The following RHOBTB1 variants were observed in gnomAD, a reference collection of about 807,000 sequenced individuals.
The protein encoded by RHOBTB1 is Rho related BTB domain containing 1.
A neutral mutation model predicts 71.6 loss-of-function variants in RHOBTB1; 40 were observed. The ratio of observed to expected loss-of-function variants is 0.56; its 90% confidence interval spans 0.43 to 0.73. The LOEUF (loss-of-function observed/expected upper bound fraction) is 0.73. Among genes scored for constraint, RHOBTB1 ranks in the 30% least tolerant of loss-of-function variants. RHOBTB1 has a pLI of 0.00. For missense variants in RHOBTB1, 797 were observed against 894.0 expected (o/e 0.89, Z 1.38); for synonymous variants, 319 against 334.9 (o/e 0.95, Z 0.52).
chr10:60,921,575 C>A (rs1160432268), intron 2 of RHOBTB1, among the ~76,000 whole-genome samples: 1 of 152,210 alleles, frequency 6.6e-6, no homozygotes, highest in Non-Finnish European at 1.5e-5. Flanking sequence ...TTTTTGGCAA[C>A]AGAAATTGTT....
chr10:60,905,741 C>T (rs570635507), intron 4 of RHOBTB1, among the ~76,000 whole-genome samples: 2 of 152,256 alleles, frequency 1.3e-5, no homozygotes, highest in Admixed American at 6.5e-5. Context: ...GCCATCCTAA[C>T]ATCATCATTA....
intron 7 of RHOBTB1, among the ~76,000 whole-genome samples, chr10:60,878,318 C>T (rs1458155935): frequency 6.6e-6 from 1 of 152,124 alleles, no homozygotes; most frequent in African/African-American, 2.4e-5. Flanking sequence ...CTAAATCAGA[C>T]AAATGGACTG....
intron 4 of RHOBTB1, among the ~76,000 whole-genome samples, chr10:60,897,811 A>G (rs867885141): frequency 6.6e-6 from 1 of 151,634 alleles, no homozygotes; most frequent in Non-Finnish European, 1.5e-5. Flanking sequence ...GGTTCAAGCA[A>G]CTCTCCTGCC....
chr10:60,864,188 C>T, the RHOBTB1 span, among the ~76,000 whole-genome samples: 1 of 152,152 alleles, frequency 6.6e-6, no homozygotes, highest in Non-Finnish European at 1.5e-5. Flanking sequence ...CTTAAGTGAA[C>T]CACTTGCTTG....
chr10:60,885,567 T>C (rs2081531157), intron 7 of RHOBTB1, among the ~76,000 whole-genome samples: 1 of 152,184 alleles, frequency 6.6e-6, no homozygotes, highest in South Asian at 2.1e-4. Flanking sequence ...GACAGTATTG[T>C]AGCACATGGT....
intron 2 of RHOBTB1, among the ~76,000 whole-genome samples, chr10:60,981,885 T>G (rs529221426): frequency 1.5e-4 from 23 of 152,242 alleles, no homozygotes; most frequent in Admixed American, 5.9e-4. Context: ...TTCTCCTGCT[T>G]CAGCCTCCCA....
intron 2 of RHOBTB1, among the ~76,000 whole-genome samples, chr10:60,984,152 G>A (rs377161073): frequency 1.3e-5 from 2 of 152,002 alleles, no homozygotes; most frequent in Non-Finnish European, 2.9e-5. Context: ...TAATATGCAC[G>A]TACCTTGAAA....
At chr10:60,878,950 C>A (rs752586229) in intron 7 of RHOBTB1, among the ~76,000 whole-genome samples, 7 of 152,214 alleles carry the variant, frequency 4.6e-5, no homozygotes, top group Non-Finnish European at 1.0e-4. Context: ...ATTTTTGGAA[C>A]ATTGACAATT....
chr10:60,880,962 T>C (rs1176878742), intron 7 of RHOBTB1, among the ~76,000 whole-genome samples: 1 of 152,266 alleles, frequency 6.6e-6, no homozygotes, highest in Non-Finnish European at 1.5e-5. Flanking sequence ...ATTAGTGATA[T>C]GGTTTGGCTG....
intron 2 of RHOBTB1, among the ~76,000 whole-genome samples, chr10:60,976,030 G>A (rs558054145): frequency 6.6e-6 from 1 of 152,102 alleles, no homozygotes; most frequent in East Asian, 1.9e-4. Context: ...TGTAAGGCTA[G>A]GTAAGGACAA....
At chr10:60,862,595 TTC>T in the RHOBTB1 span, among the ~76,000 whole-genome samples, 1 of 151,518 alleles carries the variant, frequency 6.6e-6, no homozygotes, top group Non-Finnish European at 1.5e-5. Context: ...TCTTTCCTAT[TTC>T]TCTCTCTCCT....
chr10:60,935,848 A>G (rs2084549487), intron 2 of RHOBTB1, among the ~76,000 whole-genome samples: 1 of 152,184 alleles, frequency 6.6e-6, no homozygotes, highest in South Asian at 2.1e-4. Context: ...GTACAATATA[A>G]TGGTGTGACA....
chr10:60,944,930 A>G (rs897550469), upstream of RHOBTB1, among the ~76,000 whole-genome samples: 6 of 151,872 alleles, frequency 4.0e-5, no homozygotes, highest in Admixed American at 3.3e-4. Context: ...CAAATGGCTG[A>G]GTGAGGAGGT....
chr10:60,985,986 CAAG>C (rs1437669159), intron 1 of RHOBTB1: 1 of 152,110 alleles, frequency 6.6e-6, no homozygotes, highest in African/African-American at 2.4e-5. Context: ...GTTTCACTAT[CAAG>C]AAGAAAACCA....
intron 2 of RHOBTB1, among the ~76,000 whole-genome samples, chr10:60,924,923 T>G (rs1421535218): frequency 6.6e-6 from 1 of 152,182 alleles, no homozygotes; most frequent in Non-Finnish European, 1.5e-5. Context: ...CAATCTCATG[T>G]TAAATTGTAA....
At chr10:60,962,230 C>T (rs181305156) in intron 2 of RHOBTB1, among the ~76,000 whole-genome samples, 49 of 152,196 alleles carry the variant, frequency 3.2e-4, no homozygotes, top group African/African-American at 1.1e-3. Context: ...ATGCAGCTAG[C>T]AGTCTGTAAT....
At chr10:60,874,809 C>A in intron 9 of RHOBTB1, 145 bp downstream of exon 9, 1 of 635,762 alleles carries the variant, frequency 1.6e-6, no homozygotes, top group South Asian at 1.9e-5. Flanking sequence ...AGGTAAAACT[C>A]TCAGATCTTC....
At chr10:60,974,856 C>G (rs1054581118) in intron 2 of RHOBTB1, among the ~76,000 whole-genome samples, 5 of 152,028 alleles carry the variant, frequency 3.3e-5, no homozygotes, top group African/African-American at 9.7e-5. Context: ...AACATTAGTT[C>G]TCTTTTCTGT....
At chr10:60,900,488 T>C (rs981344595) in intron 4 of RHOBTB1, among the ~76,000 whole-genome samples, 10 of 152,208 alleles carry the variant, frequency 6.6e-5, no homozygotes, top group African/African-American at 2.2e-4. Context: ...TAGTTCAGCA[T>C]TGTTAACCCT....
Sources: allele counts gnomAD v4.1 joint callset (sites outside exome capture counted in the v4.1 genomes callset), GRCh38; gene constraint gnomAD v4.1.1; transcripts MANE v1.5; gene names NCBI Gene and HGNC (gene_info 2026-07-23, HGNC 2026-07-21).